The following ANK3 variants were observed in gnomAD, a reference collection of about 807,000 sequenced individuals.
ANK3 encodes ankyrin 3, also known as ankyrin-3.
In ANK3, 57 loss-of-function variants were observed where a neutral mutation model predicts 370.9. The ratio of observed to expected loss-of-function variants is 0.15; its 90% CI spans 0.12 to 0.19. The LOEUF is 0.19. ANK3 is among the 10% of genes least tolerant of loss of function. ANK3 has a pLI of 1.00. For missense variants in ANK3, 4,439 were observed against 5,302.1 expected (o/e 0.84, Z 5.06); for synonymous variants, 1,929 against 1,946.3 (o/e 0.99, Z 0.23).
At chr10:60,485,821 A>T (rs898813284) in intron 2 of ANK3, among the ~76,000 whole-genome samples, 4 of 152,226 alleles carry the variant, frequency 2.6e-5, no homozygotes, top group African/African-American at 9.6e-5. Flanking sequence ...GCACATTGAG[A>T]ACATTCTATC....
intron 1 of ANK3, among the ~76,000 whole-genome samples, chr10:60,282,361 T>G (rs1265304747): frequency 6.6e-6 from 1 of 152,206 alleles, no homozygotes; most frequent in Non-Finnish European, 1.5e-5. Flanking sequence ...TCAAGTTTCC[T>G]CAGAATTTTC....
At chr10:60,299,211 A>G (rs1394373976) in intron 1 of ANK3, among the ~76,000 whole-genome samples, 1 of 152,200 alleles carries the variant, frequency 6.6e-6, no homozygotes, top group Non-Finnish European at 1.5e-5. Flanking sequence ...CATATGCAAT[A>G]TTGCCACATT....
intron 23 of ANK3, among the ~76,000 whole-genome samples, chr10:60,157,485 C>T (rs1013694495): frequency 3.9e-5 from 6 of 151,912 alleles, no homozygotes; most frequent in Non-Finnish European, 8.8e-5. Flanking sequence ...CAGGTGTATG[C>T]CACCATGGCC....
chr10:60,645,721 T>C (rs1322298870), intron 1 of ANK3, among the ~76,000 whole-genome samples: 2 of 151,918 alleles, frequency 1.3e-5, no homozygotes, highest in Non-Finnish European at 2.9e-5. Context: ...TGAGATTATG[T>C]CTCAAGAGAA....
chr10:60,696,787 GC>G (rs1201861642), intron 1 of ANK3, among the ~76,000 whole-genome samples: 2 of 144,624 alleles, frequency 1.4e-5, no homozygotes, highest in African/African-American at 5.3e-5. Context: ...CAAACCCACA[GC>G]CAATATCATA....
intron 2 of ANK3, among the ~76,000 whole-genome samples, chr10:60,513,223 C>T (rs946840900): frequency 1.3e-5 from 2 of 152,008 alleles, no homozygotes; most frequent in Admixed American, 1.3e-4. Flanking sequence ...CAATATTGCT[C>T]AGTAAATGAA....
At chr10:60,240,429 C>G (rs546053832) in intron 7 of ANK3, among the ~76,000 whole-genome samples, 1 of 150,786 alleles carries the variant, frequency 6.6e-6, no homozygotes, top group South Asian at 2.1e-4. Context: ...CTCAGCCTCC[C>G]GAGTAGCTGG....
chr10:60,637,523 T>C (rs1564462481), intron 1 of ANK3, among the ~76,000 whole-genome samples: 2 of 152,138 alleles, frequency 1.3e-5, no homozygotes, highest in Admixed American at 6.5e-5. Context: ...AACTAATAAT[T>C]CCACCTTAAG....
chr10:60,449,217 C>T (rs976350641), intron 2 of ANK3, among the ~76,000 whole-genome samples: 5 of 151,908 alleles, frequency 3.3e-5, no homozygotes, highest in African/African-American at 1.2e-4. Flanking sequence ...ACATATGTAA[C>T]CCATACATTT....
chr10:60,121,340 G>A (rs2093453293), intron 25 of ANK3, among the ~76,000 whole-genome samples: 1 of 150,096 alleles, frequency 6.7e-6, no homozygotes, highest in Admixed American at 6.7e-5. Context: ...GTGAGGGAGT[G>A]CAGGGGGTGG....
chr10:60,570,476 T>G lies in ANK3; in HGVS notation c.96+44710A>C, dbSNP rs116348987. Among the ~76,000 whole-genome samples, 968 of 152,124 alleles carry G rather than the reference T, an allele frequency of 6.4e-3. 14 individuals carry two copies. Among genetic ancestry groups the G allele is most frequent in the African/African-American group, 0.022 (918 of 41,494 alleles). On this transcript the variant is annotated intron_variant, in intron 2 of 43. Coordinates refer to the ANK3 transcript ENST00000373827. ...GGCTGGCACAGAAATGCATTCTCAA[T>G]GGACAAAGAACAAGCATCAGAAGAA...
rs1243071633 is a variant in ANK3, at chr10:60,641,948, A to C, written c.58-26724T>G. ...ACAAATTTACAAGAAAAAAACAAAC[A>C]ACCCCATCAAAAAGTGGGCGAAGGA... On this transcript the variant is annotated intron_variant, in intron 1 of 43. Coordinates refer to the ANK3 transcript ENST00000373827. Among the ~76,000 whole-genome samples, 656 of 147,664 alleles carry C rather than the reference A, an allele frequency of 4.4e-3. 5 individuals are homozygous for C. Among genetic ancestry groups the C allele is most frequent in the African/African-American group, 0.015 (617 of 40,136 alleles).
intron 40 of ANK3, chr10:60,059,800 C>T: frequency 6.2e-7 from 1 of 1,614,254 alleles, no homozygotes. Context: ...AAGGAAGCGT[C>T]TTCTGCAGTT....
intron 1 of ANK3, among the ~76,000 whole-genome samples, chr10:60,326,822 C>G (rs1255964279): frequency 2.6e-5 from 4 of 152,124 alleles, no homozygotes; most frequent in Non-Finnish European, 4.4e-5. Context: ...GCTATCGAGA[C>G]CATCCTGGCT....
At chr10:60,101,698 A>T (rs1334906768) in intron 28 of ANK3, among the ~76,000 whole-genome samples, 1 of 152,146 alleles carries the variant, frequency 6.6e-6, no homozygotes, top group Non-Finnish European at 1.5e-5. Context: ...ACCTTTGCTA[A>T]TACACCTACT....
intron 26 of ANK3, among the ~76,000 whole-genome samples, chr10:60,113,842 A>G (rs2092896434): frequency 6.6e-6 from 1 of 152,232 alleles, no homozygotes; most frequent in Non-Finnish European, 1.5e-5. Context: ...GAAAAATCAG[A>G]TACCTAGAAA....
intron 28 of ANK3, among the ~76,000 whole-genome samples, chr10:60,093,607 A>C (rs1293238305): frequency 6.6e-6 from 1 of 152,206 alleles, no homozygotes; most frequent in Non-Finnish European, 1.5e-5. Flanking sequence ...AAAAGTAGAA[A>C]GAAACAGCTA....
intron 42 of ANK3, among the ~76,000 whole-genome samples, chr10:60,048,248 A>C (rs1380509410): frequency 1.3e-5 from 2 of 152,156 alleles, no homozygotes; most frequent in Non-Finnish European, 2.9e-5. Flanking sequence ...TACTATGGCA[A>C]ACAGTGTTAA....
intron 2 of ANK3, among the ~76,000 whole-genome samples, chr10:60,456,799 C>T (rs1483784497): frequency 2.0e-5 from 3 of 152,052 alleles, no homozygotes; most frequent in African/African-American, 7.2e-5. Context: ...GGGATTGCCA[C>T]CTGACTTCCA....
Sources: allele counts gnomAD v4.1 joint callset (sites outside exome capture counted in the v4.1 genomes callset), GRCh38; gene constraint gnomAD v4.1.1; transcripts MANE v1.5; gene names NCBI Gene and HGNC (gene_info 2026-07-23, HGNC 2026-07-21).